Variants in CMTM6 observed in about 807,000 individuals in gnomAD.
CMTM6 encodes CKLF-like MARVEL transmembrane domain-containing protein 6.
A neutral mutation model predicts 13.6 loss-of-function variants in CMTM6; 5 were observed. The observed-to-expected ratio is 0.37, with a 90% CI of 0.19 to 0.77. The LOEUF (loss-of-function observed/expected upper bound fraction) is 0.77, where lower values mean the gene tolerates loss of function less well. CMTM6 is among the 30% of genes least tolerant of loss of function. The pLI, the probability that CMTM6 is intolerant of heterozygous loss-of-function variation, is 0.50. For missense variants in CMTM6, 196 were observed against 218.6 expected, an observed-to-expected ratio of 0.90 and a Z score of 0.65; for synonymous variants, 99 against 84.5, an observed-to-expected ratio of 1.17 and a Z score of -0.94.
At chr3:32,500,005 G>A (rs1395605939) in intron 1 of CMTM6, among the ~76,000 whole-genome samples, 1 of 151,842 alleles carries the variant, frequency 6.6e-6, no homozygotes, top group Admixed American at 6.6e-5. Flanking sequence ...CACAATGTCT[G>A]GTTTTTAAGT....
In CMTM6 at chr3:32,502,663, T is replaced by A; in HGVS notation, c.83A>T (p.Tyr28Phe). The A allele has an allele frequency of 6.3e-7, 1 of 1,592,626 alleles. No homozygotes were observed. Among genetic ancestry groups the A allele is most frequent in the Non-Finnish European group, 8.5e-7 (1 of 1,171,376 alleles). The change falls in exon 1 of 4, where the codon TAC (tyrosine) becomes TTC (phenylalanine). Residue 28 changes from tyrosine to phenylalanine, a missense_variant. Transcript: ENST00000205636. ...CAATGGGAGCCGGCCCATGAAAAAG[T>A]AGGCAGCGAGGCCGCTCCGGGGGCC... Reference protein sequence around the residue: ...ARGPRSGLAAYFFMGRLPLLR... With the variant: ...ARGPRSGLAAFFFMGRLPLLR...
At chr3:32,498,676 G>A (rs1697316765) in intron 1 of CMTM6, among the ~76,000 whole-genome samples, 1 of 141,926 alleles carries the variant, frequency 7.0e-6, no homozygotes, top group South Asian at 2.2e-4. Context: ...TTGGCTCACT[G>A]CAATCTCCAC....
intron 1 of CMTM6, among the ~76,000 whole-genome samples, chr3:32,496,313 G>A (rs1697290666): frequency 6.6e-6 from 1 of 151,830 alleles, no homozygotes; most frequent in South Asian, 2.1e-4. Context: ...CAGATGCGAT[G>A]GCTCACATCT....
At position 32,502,688 on chromosome 3, in the gene CMTM6, C is replaced by T. The variant is rs1384536533; in HGVS notation, c.58G>A (p.Gly20Ser). 1.3e-5 allele frequency: 21 copies of T among 1,587,468 alleles called. No homozygotes were observed. Among genetic ancestry groups the T allele is most frequent in the African/African-American group, 2.7e-5 (2 of 74,130 alleles). The change falls in exon 1 of 4, where the codon GGC becomes AGC. Residue 20 changes from glycine to serine, a missense_variant. Transcript: ENST00000205636. ...TTEEDPGPAR[G>S]PRSGLAAYFF... ...TAGGCAGCGAGGCCGCTCCGGGGGC[C>T]TCTGGCGGGGCCCGGGTCCTCCTCC...
rs897752713 is a variant in CMTM6, at chr3:32,502,815, G to T, written c.-70C>A. 1.5e-6 allele frequency: 2 copies of T among 1,356,394 alleles called. No individual in the cohort carries two copies. The highest frequency in any genetic ancestry group is 1.9e-6 in the Non-Finnish European group (2 of 1,054,588). 84.0% of individuals were successfully genotyped at this position (1,356,394 alleles called of 1,614,324 possible). A position where few individuals can be genotyped will look rare whatever the true frequency, so the allele number is the denominator to read the frequency against. On this transcript the variant is annotated 5_prime_UTR_variant, in exon 1 of 4. Transcript: ENST00000205636. Reference sequence around the variant, plus strand: ...GACTTCTCGGACTCCAGAAGTCCCCGGTAGCCGGGAGGCGGCCGTCACTTC... The same window carrying T: ...GACTTCTCGGACTCCAGAAGTCCCCTGTAGCCGGGAGGCGGCCGTCACTTC...
At chr3:32,489,257 G>A (rs189479468) in intron 2 of CMTM6, among the ~76,000 whole-genome samples, 387 of 122,258 alleles carry the variant, frequency 3.2e-3, no homozygotes, top group Middle Eastern at 6.8e-3. Flanking sequence ...GCGACAGAGC[G>A]AGACTCCATC....
Position 32,491,767 on chromosome 3 carries a change from C to T in CMTM6, c.258G>A (p.Leu86=). The T allele has an allele frequency of 6.2e-7, 1 of 1,611,272 alleles. No individual in the cohort carries two copies. Among genetic ancestry groups the T allele is most frequent in the Non-Finnish European group, 8.5e-7 (1 of 1,178,710 alleles). Residue 86 remains leucine, a synonymous_variant, in exon 2 of 4, where the codon CTG becomes CTA. Coordinates refer to ENST00000205636, the MANE Select transcript of CMTM6 (RefSeq NM_017801.3). ...CATAAAATGGAGTGCAATACACAAT[C>T]AGTATAAGGAGACTCAGAAGAAAGG... ...CSAFLLSLLI[L]IVYCTPFYER...
chr3:32,482,817 G>A lies in CMTM6; in HGVS notation c.*1143C>T, dbSNP rs1282359090. On this transcript the variant is annotated 3_prime_UTR_variant, in exon 4 of 4. Coordinates refer to ENST00000205636, the MANE Select transcript of CMTM6 (RefSeq NM_017801.3). The stretch of plus-strand genomic sequence containing the variant: ...CTACACAGTATTCACAATCAAAAGG[G>A]CCCAAGATTCAGGACCACCTAAAGA... The A allele has an allele frequency of 6.7e-6, 1 of 148,648 alleles. No homozygotes were observed. Among genetic ancestry groups the A allele is most frequent in the Non-Finnish European group, 1.5e-5 (1 of 67,690 alleles). 9.2% of individuals were successfully genotyped at this position (148,648 alleles called of 1,614,324 possible).
intron 1 of CMTM6, among the ~76,000 whole-genome samples, chr3:32,493,602 G>A (rs916725851): frequency 6.6e-6 from 1 of 152,110 alleles, no homozygotes; most frequent in East Asian, 1.9e-4. Context: ...GAGTGGGAGG[G>A]TGAGATGACT....
In CMTM6 at chr3:32,482,025, A is replaced by G. The variant is rs1299101627; in HGVS notation, c.*1935T>C. 6.6e-6 allele frequency: 1 copy of G among 150,728 alleles called. No homozygotes were observed. The highest frequency in any genetic ancestry group is 1.5e-5 in the Non-Finnish European group (1 of 68,026). 9.3% of individuals were successfully genotyped at this position (150,728 alleles called of 1,614,324 possible). Reference sequence around the variant, plus strand: ...TATGCTCTGAATTTTAGATAGGTCTAAATCACAATGGTACAGTCTGATGTG... The same window carrying G: ...TATGCTCTGAATTTTAGATAGGTCTGAATCACAATGGTACAGTCTGATGTG... On this transcript the variant is annotated 3_prime_UTR_variant, in exon 4 of 4. Coordinates refer to ENST00000205636, the MANE Select transcript of CMTM6 (RefSeq NM_017801.3).
At chr3:32,494,899 G>A in intron 1 of CMTM6, among the ~76,000 whole-genome samples, 1 of 152,176 alleles carries the variant, frequency 6.6e-6, no homozygotes, top group East Asian at 1.9e-4. Context: ...AGCCTCTGCT[G>A]ATGGCACAGT....
intron 1 of CMTM6, among the ~76,000 whole-genome samples, chr3:32,495,902 G>A (rs760280205): frequency 1.3e-5 from 2 of 152,116 alleles, no homozygotes; most frequent in Non-Finnish European, 2.9e-5. Context: ...ATTAAGTATG[G>A]ACATCTGGCA....
chr3:32,485,942 A>G (rs1291371862), intron 3 of CMTM6, among the ~76,000 whole-genome samples: 2 of 152,206 alleles, frequency 1.3e-5, no homozygotes, highest in Non-Finnish European at 2.9e-5. Flanking sequence ...CAGTGGCACA[A>G]TCTTGGCTCA....
intron 3 of CMTM6, among the ~76,000 whole-genome samples, chr3:32,486,399 A>G (rs1204884065): frequency 3.2e-5 from 4 of 126,412 alleles, no homozygotes; most frequent in Non-Finnish European, 6.6e-5. Flanking sequence ...GCCTATTTAC[A>G]TGGAGTAAGA....
At chr3:32,486,677 G>A (rs746899995) in intron 3 of CMTM6, among the ~76,000 whole-genome samples, 32 of 152,040 alleles carry the variant, frequency 2.1e-4, no homozygotes, top group Non-Finnish European at 3.5e-4. Context: ...ACAATTCAGG[G>A]TAATCCACCA....
At chr3:32,497,301 C>T (rs1697302334) in intron 1 of CMTM6, among the ~76,000 whole-genome samples, 1 of 148,192 alleles carries the variant, frequency 6.7e-6, no homozygotes, top group African/African-American at 2.5e-5. Context: ...AGGAGAATGG[C>T]GTAAACCCAG....
At position 32,482,112 on chromosome 3, in the gene CMTM6, C is replaced by CA. The variant is rs1364624633; in HGVS notation, c.*1847dup. Reference sequence around the variant, plus strand: ...ATCAGTCCTTATTCATAATTAGACCCAAAACCCAGCTATTTCTCCTCTCTT... The same window carrying CA: ...ATCAGTCCTTATTCATAATTAGACCCAAAAACCCAGCTATTTCTCCTCTCTT... On this transcript the variant is annotated 3_prime_UTR_variant, in exon 4 of 4. Coordinates refer to ENST00000205636, the MANE Select transcript of CMTM6 (RefSeq NM_017801.3). The CA allele has an allele frequency of 1.3e-5, 2 of 152,148 alleles. No homozygotes were observed. The highest frequency in any genetic ancestry group is 2.9e-5 in the Non-Finnish European group (2 of 68,020). The allele number at this position is 152,148 out of a possible 1,614,324, so 9.4% of individuals were successfully genotyped here. A position where few individuals can be genotyped will look rare whatever the true frequency, so the allele number is the denominator to read the frequency against.
At chr3:32,498,590 A>G (rs1219504031) in intron 1 of CMTM6, among the ~76,000 whole-genome samples, 1 of 133,742 alleles carries the variant, frequency 7.5e-6, no homozygotes, top group Non-Finnish European at 1.6e-5. Flanking sequence ...CAGTTTCACT[A>G]CCCCTTCTTT....
Position 32,502,845 on chromosome 3 carries a change from G to A in CMTM6, c.-100C>T, listed in dbSNP as rs1033556985. 16 of 1,319,612 alleles carry A rather than the reference G, an allele frequency of 1.2e-5. No individual in the cohort carries two copies. In the South Asian group the frequency reaches 2.1e-4, roughly 17 times the overall value. 81.7% of individuals were successfully genotyped at this position (1,319,612 alleles called of 1,614,324 possible). On this transcript the variant is annotated 5_prime_UTR_variant, in exon 1 of 4. Coordinates refer to ENST00000205636, the MANE Select transcript of CMTM6 (RefSeq NM_017801.3). ...CCGGGAGGCGGCCGTCACTTCCTGG[G>A]CCTTCTCCCCGGCTTCCGCCTGACT...
Sources: gnomAD v4.1 joint callset for allele counts (sites outside exome capture counted in the v4.1 genomes callset) on GRCh38, gnomAD v4.1.1 for gene constraint, MANE v1.5 for transcripts, NCBI Gene and HGNC (gene_info 2026-07-23, HGNC 2026-07-21) for gene names.